CFAP44: variants seen among roughly 807,000 people sequenced by gnomAD.
The protein encoded by CFAP44 is cilia and flagella associated protein 44, also known as cilia- and flagella-associated protein 44.
In CFAP44, 134 loss-of-function variants were observed where a neutral mutation model predicts 216.2. The ratio of observed to expected loss-of-function variants is 0.62; its 90% CI spans 0.54 to 0.72. CFAP44 has a LOEUF of 0.72. Among genes scored for constraint, CFAP44 ranks in the 30% least tolerant of loss-of-function variants. The probability of loss-of-function intolerance (pLI) is 0.00; values close to 1 mark genes in which losing one functional copy is unlikely to be tolerated. For missense variants in CFAP44, 2,035 were observed against 2,182.1 expected, an observed-to-expected ratio of 0.93 and a Z score of 1.34; for synonymous variants, 700 against 727.6, an observed-to-expected ratio of 0.96 and a Z score of 0.61.
chr3:113,398,387 T>C (rs1934049786), intron 13 of CFAP44, among the ~76,000 whole-genome samples: 1 of 152,104 alleles, frequency 6.6e-6, no homozygotes, highest in East Asian at 1.9e-4. Context: ...TAAAAACTGA[T>C]GTGTAGCCTT....
intron 28 of CFAP44, among the ~76,000 whole-genome samples, chr3:113,324,042 C>CAAAAAAAAAAAAAAAAAAAAAAAA (rs200919084): frequency 1.4e-4 from 10 of 71,864 alleles, no homozygotes; most frequent in East Asian, 4.3e-4. Context: ...GACTCCGTCT[C>CAAAAAAAAAAAAAAAAAAAAAAAA]AAAAAAAAAA....
At chr3:113,319,794 A>T (rs1318682086) in intron 28 of CFAP44, among the ~76,000 whole-genome samples, 1 of 152,158 alleles carries the variant, frequency 6.6e-6, no homozygotes, top group African/African-American at 2.4e-5. Context: ...TTTTCAAAAA[A>T]ATAAACAAGA....
chr3:113,288,471 G>A lies in CFAP44; in HGVS notation c.*3086C>T, dbSNP rs1328107617. On this transcript the variant is annotated 3_prime_UTR_variant, in exon 35 of 35. Transcript: ENST00000393845. ...GAGAAGAGAAAAAATAAGATACTGTGATTTCAGACAACCTGGCATCACGGC... is the reference window on the plus strand; with the variant it reads ...GAGAAGAGAAAAAATAAGATACTGTAATTTCAGACAACCTGGCATCACGGC... The A allele has an allele frequency of 6.6e-6, 1 of 152,212 alleles. No individual in the cohort carries two copies. Among genetic ancestry groups the A allele is most frequent in the Non-Finnish European group, 1.5e-5 (1 of 68,056 alleles). The allele number at this position is 152,212 out of a possible 1,614,324, so 9.4% of individuals were successfully genotyped here.
At chr3:113,318,662 A>G (rs986758329) in intron 28 of CFAP44, among the ~76,000 whole-genome samples, 1 of 152,176 alleles carries the variant, frequency 6.6e-6, no homozygotes, top group Non-Finnish European at 1.5e-5. Context: ...AAAAAATCTT[A>G]AAGGCAGCTA....
chr3:113,395,805 C>T lies in CFAP44; in HGVS notation c.1835G>A (p.Gly612Asp). ...FEVERDYKPIGYINTPGPVCQ... is the reference protein window; with the variant it reads ...FEVERDYKPIDYINTPGPVCQ... Reference sequence around the variant, plus strand: ...CACAGGTCCAGGAGTATTAATATAACCAATCGGCTTATAATCCCTTTCCAC... The same window carrying T: ...CACAGGTCCAGGAGTATTAATATAATCAATCGGCTTATAATCCCTTTCCAC... Residue 612 changes from glycine to aspartate, a missense_variant, in exon 15 of 35, where the codon GGT (glycine) becomes GAT (aspartate). Coordinates refer to ENST00000393845, the MANE Select transcript of CFAP44 (RefSeq NM_001164496.2). 1 of 1,613,802 alleles carries T rather than the reference C, an allele frequency of 6.2e-7. No individual in the cohort carries two copies. The highest frequency in any genetic ancestry group is 8.5e-7 in the Non-Finnish European group (1 of 1,179,896).
intron 4 of CFAP44, 141 bp downstream of exon 4, chr3:113,425,983 G>C: frequency 1.1e-6 from 1 of 937,958 alleles, no homozygotes; most frequent in Non-Finnish European, 1.6e-6. Flanking sequence ...GTAAGCAAAT[G>C]GATGTGGCTG....
At position 113,294,802 on chromosome 3, in the gene CFAP44, C is replaced by T. The variant is rs935444192; in HGVS notation, c.5258G>A (p.Arg1753Gln). The T allele has an allele frequency of 1.0e-5, 16 of 1,532,372 alleles. No homozygotes were observed. The highest frequency in any genetic ancestry group is 1.4e-5 in the African/African-American group (1 of 72,722). 94.9% of individuals were successfully genotyped at this position (1,532,372 alleles called of 1,614,324 possible). A position where few individuals can be genotyped will look rare whatever the true frequency, so the allele number is the denominator to read the frequency against. ...TTTTGTCTTCATCATCAGTTCCCAT[C>T]GCATTTGAGCAATCTTTTCCTACCA... ...KMWEEKIAQM[R>Q]WELMMKTKEH... Residue 1753 changes from arginine (R) to glutamine (Q), a missense_variant, in exon 34 of 35, where the codon CGA (arginine) becomes CAA (glutamine). Arg to Gln is a conservative substitution (Grantham distance 43). Transcript: ENST00000393845.
intron 7 of CFAP44, 120 bp from the exon 8 acceptor site, chr3:113,407,161 T>A (rs1252940129): frequency 4.1e-6 from 3 of 728,066 alleles, no homozygotes; most frequent in Non-Finnish European, 6.7e-6. Context: ...TTCATTCATT[T>A]ATCTGATTAA....
chr3:113,383,384 C>T (rs1030592884), intron 15 of CFAP44, among the ~76,000 whole-genome samples: 1 of 152,102 alleles, frequency 6.6e-6, no homozygotes, highest in African/African-American at 2.4e-5. Flanking sequence ...AAACTCTGGT[C>T]TCTTCATCCC....
rs1038730470 is a variant in CFAP44, at chr3:113,290,389, T to G, written c.*1168A>C. On this transcript the variant is annotated 3_prime_UTR_variant, in exon 35 of 35. Transcript: ENST00000393845. ...CCTGTCTGTAATTTTGGGGGGCACA[T>G]TAGCAGGCTAATCACAGGTGAGGAA... The G allele has an allele frequency of 6.6e-6, 1 of 152,232 alleles. No homozygotes were observed. Among genetic ancestry groups the G allele is most frequent in the African/African-American group, 2.4e-5 (1 of 41,462 alleles). 9.4% of individuals were successfully genotyped at this position (152,232 alleles called of 1,614,324 possible).
At chr3:113,381,173 C>A in intron 15 of CFAP44, 113 bp from the exon 16 acceptor site, 1 of 663,342 alleles carries the variant, frequency 1.5e-6, no homozygotes. Context: ...GTTTAAAACA[C>A]ACTTAATTCC....
At chr3:113,352,816 AAG>A (rs1449159247) in intron 22 of CFAP44, among the ~76,000 whole-genome samples, 2 of 152,220 alleles carry the variant, frequency 1.3e-5, no homozygotes, top group Non-Finnish European at 2.9e-5. Context: ...TTATTCAACC[AAG>A]AGTTATTATA....
chr3:113,379,951 C>CT (rs1933460880), intron 16 of CFAP44, among the ~76,000 whole-genome samples: 2 of 152,198 alleles, frequency 1.3e-5, no homozygotes, highest in South Asian at 2.1e-4. Context: ...CAAAAGCCCT[C>CT]TGACACTGGT....
intron 1 of CFAP44, among the ~76,000 whole-genome samples, chr3:113,436,057 G>A (rs1935232339): frequency 6.6e-6 from 1 of 151,984 alleles, no homozygotes; most frequent in African/African-American, 2.4e-5. Context: ...AAACCTGTAA[G>A]TAGCAAAATC....
intron 32 of CFAP44, among the ~76,000 whole-genome samples, chr3:113,299,435 A>C (rs967417004): frequency 2.6e-5 from 4 of 152,238 alleles, no homozygotes; most frequent in African/African-American, 9.6e-5. Flanking sequence ...GAGGATGTAG[A>C]GAAAACGAAA....
At chr3:113,422,156 C>G (rs933049790) in intron 4 of CFAP44, among the ~76,000 whole-genome samples, 1 of 152,040 alleles carries the variant, frequency 6.6e-6, no homozygotes, top group Non-Finnish European at 1.5e-5. Context: ...ACAAAAGAAG[C>G]ATATCCTATA....
intron 32 of CFAP44, among the ~76,000 whole-genome samples, chr3:113,303,070 A>C (rs1480150059): frequency 6.6e-6 from 1 of 152,226 alleles, no homozygotes; most frequent in Non-Finnish European, 1.5e-5. Context: ...CAAAAATATT[A>C]AAGTCTGATA....
chr3:113,425,140 C>T (rs551827516), intron 4 of CFAP44, among the ~76,000 whole-genome samples: 6 of 152,244 alleles, frequency 3.9e-5, no homozygotes, highest in African/African-American at 1.4e-4. Flanking sequence ...GAGAAAATTC[C>T]AGGTTACAAG....
At chr3:113,392,158 T>A (rs879405159) in intron 15 of CFAP44, among the ~76,000 whole-genome samples, 1 of 152,082 alleles carries the variant, frequency 6.6e-6, no homozygotes, top group Admixed American at 6.6e-5. Flanking sequence ...TAAGTATCCA[T>A]CAACAGATGA....
Sources: gnomAD v4.1 joint callset for allele counts (sites outside exome capture counted in the v4.1 genomes callset) on GRCh38, gnomAD v4.1.1 for gene constraint, MANE v1.5 for transcripts, NCBI Gene and HGNC (gene_info 2026-07-23, HGNC 2026-07-21) for gene names.